The following ADGRL3 variants were observed in gnomAD, a reference collection of about 807,000 sequenced individuals.
The protein encoded by ADGRL3 is adhesion G protein-coupled receptor L3, also known as calcium-independent alpha-latrotoxin receptor 3.
ADGRL3 carries 62 observed loss-of-function variants against 153.5 expected under a neutral mutation model. The ratio of observed to expected loss-of-function variants is 0.40; its 90% CI spans 0.33 to 0.50. The LOEUF (loss-of-function observed/expected upper bound fraction) is 0.50. ADGRL3 is among the 20% of genes least tolerant of loss of function. The probability of loss-of-function intolerance (pLI) is 0.47; values close to 1 mark genes in which losing one functional copy is unlikely to be tolerated. For missense variants in ADGRL3, 1,641 were observed against 1,859.4 expected, an observed-to-expected ratio of 0.88 and a Z score of 2.16; for synonymous variants, 710 against 672.5, an observed-to-expected ratio of 1.06 and a Z score of -0.86.
At chr4:61,566,923 C>T (rs887617238) in intron 4 of ADGRL3, among the ~76,000 whole-genome samples, 3 of 152,106 alleles carry the variant, frequency 2.0e-5, no homozygotes, top group African/African-American at 7.2e-5. Flanking sequence ...CCCATATTGT[C>T]TCATCAATTA....
intron 4 of ADGRL3, among the ~76,000 whole-genome samples, chr4:61,577,668 C>G (rs1398893324): frequency 6.6e-6 from 1 of 151,570 alleles, no homozygotes; most frequent in Non-Finnish European, 1.5e-5. Flanking sequence ...AAAAAATTAG[C>G]CAGGCATGGT....
intron 9 of ADGRL3, among the ~76,000 whole-genome samples, chr4:61,829,524 T>C (rs375937432): frequency 2.0e-5 from 3 of 152,234 alleles, no homozygotes; most frequent in African/African-American, 7.2e-5. Context: ...TTCTTTAGTT[T>C]CGTTTACCAA....
At chr4:61,973,230 A>G (rs914683202) in intron 17 of ADGRL3, among the ~76,000 whole-genome samples, 3 of 152,062 alleles carry the variant, frequency 2.0e-5, no homozygotes, top group Non-Finnish European at 4.4e-5. Flanking sequence ...ATAAGGCAAA[A>G]GTCACATTTC....
chr4:62,048,876 C>A (rs1027142192), intron 25 of ADGRL3, among the ~76,000 whole-genome samples: 5 of 151,970 alleles, frequency 3.3e-5, no homozygotes, highest in African/African-American at 1.2e-4. Context: ...ATTAACAATA[C>A]CTCTAAAACT....
At chr4:61,656,423 A>G (rs1021585599) in intron 5 of ADGRL3, among the ~76,000 whole-genome samples, 2 of 152,068 alleles carry the variant, frequency 1.3e-5, no homozygotes, top group East Asian at 1.9e-4. Flanking sequence ...GTTGCATGCA[A>G]TGGCCTCAAG....
At chr4:61,913,291 C>T (rs1280582745) in intron 13 of ADGRL3, among the ~76,000 whole-genome samples, 1 of 152,058 alleles carries the variant, frequency 6.6e-6, no homozygotes, top group Non-Finnish European at 1.5e-5. Context: ...CTGACATGTT[C>T]TAATTTGTAA....
intron 5 of ADGRL3, among the ~76,000 whole-genome samples, chr4:61,604,648 T>C (rs775404361): frequency 6.6e-6 from 1 of 152,198 alleles, no homozygotes; most frequent in African/African-American, 2.4e-5. Flanking sequence ...TGCTGCAGTT[T>C]TTACAGTCCT....
At chr4:61,366,032 T>C (rs1012622385) in intron 1 of ADGRL3, among the ~76,000 whole-genome samples, 1 of 152,216 alleles carries the variant, frequency 6.6e-6, no homozygotes, top group East Asian at 1.9e-4. Context: ...ACCTATAATT[T>C]TGTTTGGCAA....
chr4:62,007,241 T>G, intron 21 of ADGRL3, among the ~76,000 whole-genome samples: 1 of 149,866 alleles, frequency 6.7e-6, no homozygotes, highest in African/African-American at 2.5e-5. Context: ...CATGTCTGAA[T>G]CAAATGACCA....
chr4:61,487,522 C>G (rs2098210158), intron 2 of ADGRL3, among the ~76,000 whole-genome samples: 1 of 151,924 alleles, frequency 6.6e-6, no homozygotes, highest in Non-Finnish European at 1.5e-5. Context: ...TTCATACATT[C>G]CTGTTTGAAC....
intron 2 of ADGRL3, among the ~76,000 whole-genome samples, chr4:61,386,125 A>G (rs1163994974): frequency 6.6e-6 from 1 of 152,206 alleles, no homozygotes; most frequent in Admixed American, 6.5e-5. Flanking sequence ...ATTTTTAACT[A>G]AATGAGTCCT....
chr4:61,997,313 C>G (rs1371738821), intron 20 of ADGRL3, among the ~76,000 whole-genome samples: 1 of 149,576 alleles, frequency 6.7e-6, no homozygotes, highest in Admixed American at 6.7e-5. Flanking sequence ...TATGTCAATT[C>G]AAATTAGGTT....
At chr4:61,367,652 G>C (rs1346271257) in intron 1 of ADGRL3, among the ~76,000 whole-genome samples, 2 of 146,022 alleles carry the variant, frequency 1.4e-5, no homozygotes, top group Non-Finnish European at 3.0e-5. Flanking sequence ...GGACATTTGG[G>C]TTGGTTCCAA....
chr4:61,876,266 T>A (rs1192414089), intron 9 of ADGRL3, among the ~76,000 whole-genome samples: 1 of 139,882 alleles, frequency 7.1e-6, no homozygotes, highest in Non-Finnish European at 1.5e-5. Flanking sequence ...GTATCATTCA[T>A]AAGTCTATTT....
chr4:61,206,632 A>C (rs1454898260), intron 1 of ADGRL3, among the ~76,000 whole-genome samples: 1 of 152,126 alleles, frequency 6.6e-6, no homozygotes, highest in African/African-American at 2.4e-5. Flanking sequence ...CAAGTTTTAG[A>C]ATTTTCCCAG....
At chr4:62,010,085 A>G (rs2151233797) in intron 21 of ADGRL3, among the ~76,000 whole-genome samples, 1 of 152,206 alleles carries the variant, frequency 6.6e-6, no homozygotes, top group Non-Finnish European at 1.5e-5. Flanking sequence ...CCACCCTAGA[A>G]GCTTCTTGAA....
At chr4:62,002,540 A>T (rs552085901) in intron 21 of ADGRL3, among the ~76,000 whole-genome samples, 1 of 151,918 alleles carries the variant, frequency 6.6e-6, no homozygotes, top group Non-Finnish European at 1.5e-5. Context: ...TCATTACTAT[A>T]TTAAAGAATT....
intron 1 of ADGRL3, among the ~76,000 whole-genome samples, chr4:61,254,040 G>A (rs182749942): frequency 3.2e-4 from 48 of 152,226 alleles, no homozygotes; most frequent in African/African-American, 1.2e-3. Flanking sequence ...AAGCAGTCAA[G>A]TCGCATTATC....
intron 3 of ADGRL3, among the ~76,000 whole-genome samples, chr4:61,511,166 T>C (rs1395511567): frequency 6.6e-6 from 1 of 152,090 alleles, no homozygotes; most frequent in Non-Finnish European, 1.5e-5. Flanking sequence ...AAGACCACCC[T>C]TGCCAACTTG....
Sources: allele counts gnomAD v4.1 joint callset (sites outside exome capture counted in the v4.1 genomes callset), GRCh38; gene constraint gnomAD v4.1.1; transcripts MANE v1.5; gene names NCBI Gene and HGNC (gene_info 2026-07-23, HGNC 2026-07-21).